GNG7: variants seen among roughly 807,000 people sequenced by gnomAD.
The protein encoded by GNG7 is G protein subunit gamma 7.
Under a neutral mutation model 4.0 loss-of-function variants are expected in GNG7, and 1 was observed. That is an observed-to-expected ratio of 0.25 (90% CI 0.09 to 1.18). GNG7 has a LOEUF of 1.18. Ranked by LOEUF, GNG7 falls within the 50% of genes most tolerant of loss-of-function variation. The pLI is 0.50. For missense variants in GNG7, 86 were observed against 91.9 expected (o/e 0.94, Z 0.26); for synonymous variants, 34 against 36.9 (o/e 0.92, Z 0.29).
At chr19:2,518,209 C>T (rs991142738) in intron 4 of GNG7, among the ~76,000 whole-genome samples, 5 of 150,710 alleles carry the variant, frequency 3.3e-5, no homozygotes, top group Middle Eastern at 3.2e-3. Flanking sequence ...AAACCTCAGG[C>T]GGGACTGGGA....
chr19:2,553,965 C>T (rs1979463523), intron 3 of GNG7, among the ~76,000 whole-genome samples: 1 of 118,654 alleles, frequency 8.4e-6, no homozygotes, highest in Admixed American at 1.0e-4. Context: ...ATATATTACA[C>T]ATATGTATAT....
At chr19:2,638,256 G>A (rs1276341893) in intron 2 of GNG7, among the ~76,000 whole-genome samples, 1 of 150,842 alleles carries the variant, frequency 6.6e-6, no homozygotes, top group Non-Finnish European at 1.5e-5. Context: ...CCAGCTACTC[G>A]GGAGGCCGAG....
At chr19:2,651,177 G>T (rs1982802039) in intron 1 of GNG7, among the ~76,000 whole-genome samples, 1 of 152,038 alleles carries the variant, frequency 6.6e-6, no homozygotes, top group Non-Finnish European at 1.5e-5. Context: ...CCGCCTCCCG[G>T]CCCTCCCCAC....
intron 3 of GNG7, among the ~76,000 whole-genome samples, chr19:2,545,484 C>T (rs1979094605): frequency 6.6e-6 from 1 of 150,678 alleles, no homozygotes; most frequent in Admixed American, 6.6e-5. Flanking sequence ...CCCATCTCTA[C>T]TAAAAAAAAA....
At chr19:2,565,719 C>A (rs1455685962) in intron 2 of GNG7, among the ~76,000 whole-genome samples, 1 of 152,142 alleles carries the variant, frequency 6.6e-6, no homozygotes, top group Non-Finnish European at 1.5e-5. Context: ...GGGCACAGGG[C>A]AGTTGAGACT....
At chr19:2,585,946 C>A (rs963216398) in intron 2 of GNG7, among the ~76,000 whole-genome samples, 1 of 152,282 alleles carries the variant, frequency 6.6e-6, no homozygotes, top group South Asian at 2.1e-4. Context: ...GTGATCCACC[C>A]GCCTCGGCCT....
intron 1 of GNG7, among the ~76,000 whole-genome samples, chr19:2,685,354 T>C (rs1287548939): frequency 1.3e-5 from 2 of 152,004 alleles, no homozygotes; most frequent in Admixed American, 1.3e-4. Flanking sequence ...CTGGGTGCAG[T>C]GGGTCACACC....
rs562915342 is a variant in GNG7, at chr19:2,555,386, C to T, written c.-77-198G>A. On this transcript the variant is annotated intron_variant, in intron 2 of 4. Transcript: ENST00000382159. The stretch of plus-strand genomic sequence containing the variant: ...CTTTATTCTTTACCACCGATCCGTG[C>T]GGAGAAGACCTGGATGCTTCTCTTG... Among the ~76,000 whole-genome samples the T allele has an allele frequency of 3.3e-5, 5 of 152,258 alleles. No homozygotes were observed. The East Asian group carries it at 9.7e-4, about 29-fold the overall frequency.
intron 2 of GNG7, among the ~76,000 whole-genome samples, chr19:2,601,655 G>A (rs140556046): frequency 6.6e-6 from 1 of 152,196 alleles, no homozygotes; most frequent in Non-Finnish European, 1.5e-5. Context: ...GCTCACGTCT[G>A]TAATCCCAAG....
intron 3 of GNG7, among the ~76,000 whole-genome samples, chr19:2,545,159 T>C (rs12974343): frequency 0.38 from 57,111 of 150,536 alleles, 11,062 homozygotes; most frequent in African/African-American, 0.48. Context: ...GGTAATTCCG[T>C]CCCCCAGGGG....
chr19:2,589,785 A>C (rs948121183), intron 2 of GNG7, among the ~76,000 whole-genome samples: 4 of 152,192 alleles, frequency 2.6e-5, no homozygotes, highest in African/African-American at 9.6e-5. Flanking sequence ...GAAGCCAGAC[A>C]AAAGGCCACA....
At chr19:2,640,066 G>A (rs1213120429) in intron 2 of GNG7, among the ~76,000 whole-genome samples, 3 of 104,060 alleles carry the variant, frequency 2.9e-5, no homozygotes, top group Admixed American at 9.5e-5. Flanking sequence ...AGGAGGGAGG[G>A]AGAGAGGGAA....
intron 3 of GNG7, among the ~76,000 whole-genome samples, chr19:2,536,954 T>TTA (rs1245249666): frequency 1.5e-5 from 2 of 135,048 alleles, no homozygotes; most frequent in Non-Finnish European, 3.0e-5. Flanking sequence ...TTATTTTTAT[T>TTA]TTTTTTTTTT....
Position 2,653,477 on chromosome 19 carries a change from G to C in GNG7, c.-134-7197C>G, listed in dbSNP as rs981949346. Among the ~76,000 whole-genome samples, 5 of 151,652 alleles carry C rather than the reference G, an allele frequency of 3.3e-5. No individual in the cohort carries two copies. Among genetic ancestry groups the C allele is most frequent in the African/African-American group, 9.7e-5 (4 of 41,038 alleles). On this transcript the variant is annotated intron_variant, in intron 1 of 4. Transcript: ENST00000382159. This position sits in a 1 kb window ranked among gnomAD's most constrained non-coding sequence, Gnocchi z 4.8. ...AGGAGGAGAATCCCAGGAGCTGGGGGGCCCCCCTGGTTTATACCGTCTTCC... is the reference window on the plus strand; with the variant it reads ...AGGAGGAGAATCCCAGGAGCTGGGGCGCCCCCCTGGTTTATACCGTCTTCC...
chr19:2,542,508 T>C (rs1158608641), intron 3 of GNG7, among the ~76,000 whole-genome samples: 3 of 152,086 alleles, frequency 2.0e-5, no homozygotes, highest in Non-Finnish European at 2.9e-5. Context: ...AGGAAGTGAA[T>C]TCAGGAAGAA....
chr19:2,700,473 T>TTATTTTTTAAA (rs1913375377), intron 1 of GNG7, among the ~76,000 whole-genome samples: 4 of 152,010 alleles, frequency 2.6e-5, no homozygotes, highest in Admixed American at 2.6e-4. Flanking sequence ...CTTCTGGGGG[T>TTATTTTTTAAA]GACCCTGATG....
intron 3 of GNG7, among the ~76,000 whole-genome samples, chr19:2,531,282 C>T (rs1407274308): frequency 8.2e-6 from 1 of 121,858 alleles, no homozygotes; most frequent in South Asian, 2.8e-4. Context: ...CCAGCTTTGG[C>T]AGCTGAGTGA....
At chr19:2,620,071 C>G (rs1981825447) in intron 2 of GNG7, among the ~76,000 whole-genome samples, 1 of 151,652 alleles carries the variant, frequency 6.6e-6, no homozygotes, top group Non-Finnish European at 1.5e-5. Context: ...GTGGTGCGCG[C>G]CTGTATTCGC....
intron 1 of GNG7, among the ~76,000 whole-genome samples, chr19:2,682,655 CAAAAAAAAAAAAAA>C (rs745799326): frequency 4.7e-5 from 3 of 64,340 alleles, no homozygotes; most frequent in African/African-American, 1.5e-4. Context: ...GACTCCATCT[CAAAAAAAAAAAAAA>C]AAAAAAAAAA....
Sources: allele counts gnomAD v4.1 joint callset (sites outside exome capture counted in the v4.1 genomes callset), GRCh38; gene constraint gnomAD v4.1.1; non-coding constraint Gnocchi (gnomAD v3.1); transcripts MANE v1.5; gene names NCBI Gene and HGNC (gene_info 2026-07-23, HGNC 2026-07-21).